ACYP2: variants seen among roughly 807,000 people sequenced by gnomAD.
ACYP2 encodes the protein acylphosphatase 2.
ACYP2 carries 12 observed loss-of-function variants against 11.2 expected under a neutral mutation model. That is an observed-to-expected ratio of 1.08 (90% CI 0.69 to 1.74). The LOEUF (loss-of-function observed/expected upper bound fraction) is 1.74. Ranked by LOEUF, ACYP2 falls within the 40% of genes most tolerant of loss-of-function variation. The pLI is 0.00. For synonymous variants in ACYP2, 43 were observed against 32.2 expected, an observed-to-expected ratio of 1.33 and a Z score of -1.13; for missense variants, 134 against 101.9, an observed-to-expected ratio of 1.31 and a Z score of -1.35.
chr2:54,047,465 A>G (rs1380499988), intron 2 of ACYP2, among the ~76,000 whole-genome samples: 1 of 152,212 alleles, frequency 6.6e-6, no homozygotes, highest in African/African-American at 2.4e-5. Context: ...CCATACAGTT[A>G]TTGAATGCAA....
At chr2:53,992,198 TTCCTTCCTTTCTTCTTTC>T in intron 2 of ACYP2, among the ~76,000 whole-genome samples, 1 of 151,654 alleles carries the variant, frequency 6.6e-6, no homozygotes, top group East Asian at 1.9e-4. Flanking sequence ...TTCTCCTTCC[TTCCTTCCTTTCTTCTTTC>T]TCCTTCCTTC....
intron 4 of ACYP2, among the ~76,000 whole-genome samples, chr2:54,096,570 T>C (rs1316115043): frequency 6.6e-6 from 1 of 152,148 alleles, no homozygotes; most frequent in Non-Finnish European, 1.5e-5. Flanking sequence ...CCAGACTCCA[T>C]CTGCAATCCC....
chr2:54,048,249 A>T (rs1239350512), intron 2 of ACYP2, among the ~76,000 whole-genome samples: 1 of 152,022 alleles, frequency 6.6e-6, no homozygotes, highest in Non-Finnish European at 1.5e-5. Context: ...ACACAGGAAG[A>T]TGTTGTCTCT....
intron 6 of ACYP2, among the ~76,000 whole-genome samples, chr2:54,257,009 T>G (rs1294557287): frequency 2.0e-5 from 3 of 152,092 alleles, no homozygotes; most frequent in Non-Finnish European, 2.9e-5. Context: ...AGAACAAAAG[T>G]TTTTCATCTT....
chr2:54,153,847 G>T (rs1682312472), intron 6 of ACYP2, among the ~76,000 whole-genome samples: 1 of 152,050 alleles, frequency 6.6e-6, no homozygotes, highest in African/African-American at 2.4e-5. Context: ...TGATCTGCCT[G>T]CCTCGGCCTC....
chr2:54,154,008 G>C lies in ACYP2; in HGVS notation c.404+15260G>C, dbSNP rs527828236. Among the ~76,000 whole-genome samples, 4 of 150,652 alleles carry C rather than the reference G, an allele frequency of 2.7e-5. No homozygotes were observed. The East Asian group carries it at 7.8e-4, about 29-fold the overall frequency. On this transcript the variant is annotated intron_variant, in intron 6 of 6. Transcript: ENST00000607452. ...TCTTTAATCAATGTTATATTTTTCA[G>C]TGTACAGAGCTTTCATCTCATTGGT...
In ACYP2 at chr2:54,285,176, A is replaced by T. The variant is rs552435821; in HGVS notation, c.405-19512A>T. The stretch of plus-strand genomic sequence containing the variant: ...TTATAAGGGTACTGGTCCCTTTGGA[A>T]TCCTCATGAGCTAATCATCTCACAA... On this transcript the variant is annotated intron_variant, in intron 6 of 6. Coordinates refer to ENST00000607452, the MANE Select transcript of ACYP2 (RefSeq NM_001320586.2). Among the ~76,000 whole-genome samples the T allele has an allele frequency of 4.6e-5, 7 of 152,172 alleles. No individual in the cohort carries two copies. In the South Asian group the frequency reaches 1.5e-3, roughly 32 times the overall value.
intron 6 of ACYP2, among the ~76,000 whole-genome samples, chr2:54,160,639 G>C (rs1361366979): frequency 6.6e-6 from 1 of 152,212 alleles, no homozygotes; most frequent in Non-Finnish European, 1.5e-5. Context: ...TGTCAGATAC[G>C]AAGGCATTGA....
chr2:54,220,226 A>G (rs986796872), intron 6 of ACYP2, among the ~76,000 whole-genome samples: 1 of 152,146 alleles, frequency 6.6e-6, no homozygotes, highest in African/African-American at 2.4e-5. Flanking sequence ...ATTACAGCAT[A>G]TTTTAAATAT....
At chr2:54,175,422 T>G (rs1225976219) in intron 6 of ACYP2, among the ~76,000 whole-genome samples, 1 of 152,094 alleles carries the variant, frequency 6.6e-6, no homozygotes, top group Non-Finnish European at 1.5e-5. Flanking sequence ...CTTCTCTCTT[T>G]CCTTCTTTAT....
chr2:54,182,047 A>ATTTTTTT (rs35145998), intron 6 of ACYP2, among the ~76,000 whole-genome samples: 3 of 83,068 alleles, frequency 3.6e-5, no homozygotes, highest in African/African-American at 1.0e-4. Flanking sequence ...ATAGAAGATA[A>ATTTTTTT]TTTTTTTTTT....
chr2:54,141,925 C>T, intron 6 of ACYP2: 1 of 608,622 alleles, frequency 1.6e-6, no homozygotes, highest in Non-Finnish European at 3.1e-6. Flanking sequence ...GCAGCCTTGA[C>T]CTTCTGGGCT....
intron 6 of ACYP2, among the ~76,000 whole-genome samples, chr2:54,242,918 G>A (rs1215842717): frequency 6.6e-6 from 1 of 152,204 alleles, no homozygotes; most frequent in Non-Finnish European, 1.5e-5. Context: ...ATGACCGTAT[G>A]TATTATCTGA....
At chr2:54,296,756 G>A (rs1689538888) in intron 6 of ACYP2, among the ~76,000 whole-genome samples, 1 of 152,086 alleles carries the variant, frequency 6.6e-6, no homozygotes. Flanking sequence ...AAATATATTA[G>A]AGTGAAGAGG....
intron 2 of ACYP2, among the ~76,000 whole-genome samples, chr2:54,043,678 AG>A (rs779202813): frequency 3.3e-5 from 5 of 152,240 alleles, no homozygotes; most frequent in Non-Finnish European, 7.3e-5. Context: ...TATTATATAA[AG>A]GGGATAATGG....
At chr2:54,161,495 A>G (rs1012514538) in intron 6 of ACYP2, among the ~76,000 whole-genome samples, 1 of 152,238 alleles carries the variant, frequency 6.6e-6, no homozygotes, top group African/African-American at 2.4e-5. Context: ...AATCAATTTC[A>G]TAAGCTGTCA....
In ACYP2 at chr2:54,256,057, G is replaced by A. The variant is rs374531982; in HGVS notation, c.405-48631G>A. ...AAACATATCTGCCATTACCTCTGTC[G>A]CCTTGCTCTTTTCTCGGGACCTCTG... On this transcript the variant is annotated intron_variant, in intron 6 of 6. Coordinates refer to ENST00000607452, the MANE Select transcript of ACYP2 (RefSeq NM_001320586.2). 266 of 1,614,146 alleles carry A rather than the reference G, an allele frequency of 1.6e-4. 1 individual carries two copies. In the African/African-American group the frequency reaches 2.1e-3, roughly 13 times the overall value.
intron 4 of ACYP2, among the ~76,000 whole-genome samples, chr2:54,101,394 G>A (rs1283360694): frequency 2.0e-5 from 3 of 151,770 alleles, no homozygotes; most frequent in African/African-American, 7.3e-5. Context: ...CCAGGGGCCG[G>A]GCGCGGTGGC....
At chr2:53,974,338 CTG>C (rs1671358812) in intron 2 of ACYP2, among the ~76,000 whole-genome samples, 2 of 152,180 alleles carry the variant, frequency 1.3e-5, no homozygotes, top group African/African-American at 4.8e-5. Flanking sequence ...GCAAATCAAA[CTG>C]TGCTTCCATT....
Sources: gnomAD v4.1 joint callset for allele counts (sites outside exome capture counted in the v4.1 genomes callset) on GRCh38, gnomAD v4.1.1 for gene constraint, MANE v1.5 for transcripts, NCBI Gene and HGNC (gene_info 2026-07-23, HGNC 2026-07-21) for gene names.